The following IFTAP variants were observed in gnomAD, a reference collection of about 807,000 sequenced individuals.
IFTAP encodes the protein intraflagellar transport-associated protein.
A neutral mutation model predicts 19.4 loss-of-function variants in IFTAP; 19 were observed. The ratio of observed to expected loss-of-function variants is 0.98; its 90% confidence interval spans 0.68 to 1.44. The LOEUF is 1.44. IFTAP is among the 40% of genes most tolerant of loss of function. IFTAP has a pLI of 0.00. For missense variants in IFTAP, 240 were observed against 253.6 expected (o/e 0.95, Z 0.36); for synonymous variants, 85 against 83.5 (o/e 1.02, Z -0.10).
chr11:36,617,165 AATG>A lies in IFTAP; in HGVS notation c.136+6929_136+6931del, dbSNP rs566165850. Among the ~76,000 whole-genome samples, 515 of 149,622 alleles carry A rather than the reference AATG, an allele frequency of 3.4e-3. 3 individuals carry two copies. The highest frequency in any genetic ancestry group is 0.011 in the Middle Eastern group (3 of 280). ...GATTTAAATAAAATATATCATTAAA[AATG>A]ATATTACTTTTTATTTGTATATTTA... On this transcript the variant is annotated intron_variant, in intron 2 of 5. Coordinates refer to ENST00000334307, the MANE Select transcript of IFTAP (RefSeq NM_138787.4).
chr11:36,633,543 G>C (rs948262315), intron 3 of IFTAP, 105 bp downstream of exon 3: 6 of 863,164 alleles, frequency 7.0e-6, no homozygotes. Flanking sequence ...TATTAGATCT[G>C]TAATTCCTAA....
intron 2 of IFTAP, among the ~76,000 whole-genome samples, chr11:36,618,216 A>G (rs1376871400): frequency 6.6e-6 from 1 of 151,986 alleles, no homozygotes; most frequent in Non-Finnish European, 1.5e-5. Context: ...AGAGATAATT[A>G]GGGTTAAATG....
chr11:36,633,171 G>C (rs1262843789), intron 2 of IFTAP, 113 bp from the exon 3 acceptor site: 2 of 1,028,202 alleles, frequency 1.9e-6, no homozygotes, highest in Non-Finnish European at 2.7e-6. Flanking sequence ...TCGGTTTGTA[G>C]AGTTCTTTGA....
At chr11:36,644,585 AG>A (rs1260104029) in intron 4 of IFTAP, among the ~76,000 whole-genome samples, 1 of 152,148 alleles carries the variant, frequency 6.6e-6, no homozygotes, top group Non-Finnish European at 1.5e-5. Flanking sequence ...AATAGCAAAG[AG>A]TTGGAACCAA....
At chr11:36,603,930 A>C (rs1465785272) in intron 1 of IFTAP, among the ~76,000 whole-genome samples, 1 of 152,084 alleles carries the variant, frequency 6.6e-6, no homozygotes, top group African/African-American at 2.4e-5. Flanking sequence ...CTCAAAAAAA[A>C]AAAAAAAGTC....
rs1246866739 is a variant in IFTAP at position 36,659,065 on chromosome 11, A to G, written c.545A>G (p.Asp182Gly). 6.2e-7 allele frequency: 1 copy of G among 1,608,356 alleles called. No individual in the cohort carries two copies. The highest frequency in any genetic ancestry group is 2.2e-5 in the East Asian group (1 of 44,656). ...CTTTTTTCACTTGATGAAGAATTTGATTATGACAATGTGATGCTAACCTCC... is the reference window on the plus strand; with the variant it reads ...CTTTTTTCACTTGATGAAGAATTTGGTTATGACAATGTGATGCTAACCTCC... The part of the protein sequence containing the change: ...VQLFSLDEEF[D>G]YDNVMLTSKF... The change falls in exon 6 of 6, where the codon GAT (aspartate) becomes GGT (glycine). Residue 182 changes from aspartate (D) to glycine (G), a missense_variant. Asp to Gly is a moderately conservative substitution (Grantham distance 94). Transcript: ENST00000334307.
At chr11:36,644,778 C>T (rs1853405572) in intron 4 of IFTAP, among the ~76,000 whole-genome samples, 1 of 143,992 alleles carries the variant, frequency 6.9e-6, no homozygotes, top group Admixed American at 7.6e-5. Flanking sequence ...AATGTTCTCA[C>T]TCATAGGTGG....
At chr11:36,643,836 C>G (rs1853343625) in intron 4 of IFTAP, among the ~76,000 whole-genome samples, 1 of 152,154 alleles carries the variant, frequency 6.6e-6, no homozygotes, top group South Asian at 2.1e-4. Context: ...ACACCTTGTA[C>G]AAAAATTAAT....
At chr11:36,634,623 T>C (rs566155684) in intron 3 of IFTAP, among the ~76,000 whole-genome samples, 3 of 152,234 alleles carry the variant, frequency 2.0e-5, no homozygotes, top group African/African-American at 7.2e-5. Context: ...TTTTTTCAGA[T>C]AGTGATGGAT....
At chr11:36,621,460 G>A (rs1290938234) in intron 2 of IFTAP, among the ~76,000 whole-genome samples, 1 of 151,850 alleles carries the variant, frequency 6.6e-6, no homozygotes, top group African/African-American at 2.4e-5. Flanking sequence ...ACGCCCATCA[G>A]CTTACTCTTC....
chr11:36,629,204 T>C (rs1456179512), intron 2 of IFTAP, among the ~76,000 whole-genome samples: 1 of 151,340 alleles, frequency 6.6e-6, no homozygotes, highest in Non-Finnish European at 1.5e-5. Context: ...AACATTGCTC[T>C]AGGCAAGGAG....
intron 5 of IFTAP, among the ~76,000 whole-genome samples, chr11:36,649,017 G>A (rs566658729): frequency 1.6e-4 from 25 of 152,252 alleles, no homozygotes; most frequent in South Asian, 1.5e-3. Context: ...TGTTGCTAGT[G>A]CTGGTAGTGA....
intron 4 of IFTAP, among the ~76,000 whole-genome samples, chr11:36,641,684 T>C (rs1853207515): frequency 6.6e-6 from 1 of 152,194 alleles, no homozygotes; most frequent in Admixed American, 6.5e-5. Flanking sequence ...GAGGAGTGCT[T>C]TACTTCCAAC....
chr11:36,612,670 T>C (rs1565009469), intron 2 of IFTAP, among the ~76,000 whole-genome samples: 1 of 152,216 alleles, frequency 6.6e-6, no homozygotes, highest in East Asian at 1.9e-4. Flanking sequence ...CTTATGTACG[T>C]TTCTTTAGTA....
Position 36,633,397 on chromosome 11 carries a change from A to G in IFTAP, c.250A>G (p.Thr84Ala). ...EADDYHLRNK[T>A]IFLRTSSQCL... ...AGATGACTACCATCTTAGAAATAAA[A>G]CCATCTTTCTTCGTACTTCATCACA... The change falls in exon 3 of 6, where the codon ACC becomes GCC. Residue 84 changes from threonine (T) to alanine (A), a missense_variant. Physicochemically the swap from Thr to Ala is moderately conservative, Grantham distance 58 (BLOSUM62 0). Coordinates refer to ENST00000334307, the MANE Select transcript of IFTAP (RefSeq NM_138787.4). 1 of 1,604,228 alleles carries G rather than the reference A, an allele frequency of 6.2e-7. No individual in the cohort carries two copies. Among genetic ancestry groups the G allele is most frequent in the South Asian group, 1.1e-5 (1 of 88,494 alleles).
chr11:36,653,552 G>T (rs1367015035), intron 5 of IFTAP, among the ~76,000 whole-genome samples: 1 of 152,018 alleles, frequency 6.6e-6, no homozygotes, highest in Non-Finnish European at 1.5e-5. Flanking sequence ...ACTCTAACAC[G>T]AACTGAACTT....
chr11:36,604,077 T>C (rs572260254), intron 1 of IFTAP, among the ~76,000 whole-genome samples: 1 of 152,348 alleles, frequency 6.6e-6, no homozygotes, highest in East Asian at 1.9e-4. Context: ...TGTGCTCCCT[T>C]TTCCTTTAGG....
intron 4 of IFTAP, among the ~76,000 whole-genome samples, chr11:36,637,465 G>A (rs1353031266): frequency 6.6e-6 from 1 of 152,166 alleles, no homozygotes; most frequent in Non-Finnish European, 1.5e-5. Flanking sequence ...AGGGACTCCA[G>A]TTGGATTAGA....
chr11:36,636,502 T>C (rs561901457), intron 4 of IFTAP, among the ~76,000 whole-genome samples: 3 of 152,224 alleles, frequency 2.0e-5, no homozygotes, highest in East Asian at 1.9e-4. Flanking sequence ...CATAAAAATA[T>C]CAGAATTGAT....
Sources: allele counts gnomAD v4.1 joint callset (sites outside exome capture counted in the v4.1 genomes callset), GRCh38; gene constraint gnomAD v4.1.1; transcripts MANE v1.5; gene names NCBI Gene and HGNC (gene_info 2026-07-23, HGNC 2026-07-21).